Variants in EBF1 observed in about 807,000 individuals in gnomAD.
The protein encoded by EBF1 is EBF transcription factor 1.
Under a neutral mutation model 68.4 loss-of-function variants are expected in EBF1, and 10 were observed. That is an observed-to-expected ratio of 0.15 (90% CI 0.09 to 0.25). The LOEUF (loss-of-function observed/expected upper bound fraction) is 0.25. EBF1 is among the 10% of genes least tolerant of loss of function. The probability of loss-of-function intolerance (pLI) is 1.00; values close to 1 mark genes in which losing one functional copy is unlikely to be tolerated. For missense variants in EBF1, 509 were observed against 794.4 expected, an observed-to-expected ratio of 0.64 and a Z score of 4.32; for synonymous variants, 298 against 299.8, an observed-to-expected ratio of 0.99 and a Z score of 0.06.
chr5:158,966,531 G>T (rs888238484), intron 6 of EBF1, among the ~76,000 whole-genome samples: 1 of 152,162 alleles, frequency 6.6e-6, no homozygotes, highest in Admixed American at 6.5e-5. Context: ...CTCACAGAGA[G>T]AAATATCAAT....
chr5:158,963,277 G>A (rs1377879660), intron 6 of EBF1, among the ~76,000 whole-genome samples: 1 of 152,072 alleles, frequency 6.6e-6, no homozygotes, highest in Non-Finnish European at 1.5e-5. Flanking sequence ...AATGTTCAGA[G>A]GTTTACCACA....
intron 6 of EBF1, among the ~76,000 whole-genome samples, chr5:158,970,681 A>C (rs895670333): frequency 9.2e-5 from 14 of 152,234 alleles, no homozygotes; most frequent in Non-Finnish European, 7.3e-5. Flanking sequence ...AAAGCAGTTA[A>C]GACTAATTTC....
chr5:158,855,344 G>A (rs1793766166), intron 6 of EBF1, among the ~76,000 whole-genome samples: 1 of 152,146 alleles, frequency 6.6e-6, no homozygotes, highest in Non-Finnish European at 1.5e-5. Context: ...TATATGACAG[G>A]GAGTGGATAA....
rs11295464 is a variant in EBF1 at position 158,783,025 on chromosome 5, G to GA, written c.910-5487dup. On this transcript the variant is annotated intron_variant, in intron 9 of 15. Transcript: ENST00000313708. Reference sequence around the variant, plus strand: ...CCAGTGAGAAATGATAAGATGAAATGAAAAAAAAAAGGTTTAAAAATTAAT... The same window carrying GA: ...CCAGTGAGAAATGATAAGATGAAATGAAAAAAAAAAAGGTTTAAAAATTAAT... Among the ~76,000 whole-genome samples, 1,109 of 146,338 alleles carry GA rather than the reference G, an allele frequency of 7.6e-3. 4 individuals carry two copies. The highest frequency in any genetic ancestry group is 8.9e-3 in the Non-Finnish European group (590 of 65,926).
At chr5:158,878,835 A>T (rs1582827325) in intron 6 of EBF1, among the ~76,000 whole-genome samples, 1 of 151,712 alleles carries the variant, frequency 6.6e-6, no homozygotes, top group African/African-American at 2.4e-5. Context: ...GTAGAGATGG[A>T]GTTTCACCAT....
intron 6 of EBF1, among the ~76,000 whole-genome samples, chr5:159,008,152 G>A (rs571877515): frequency 2.1e-4 from 32 of 151,942 alleles, no homozygotes; most frequent in South Asian, 2.1e-3. Context: ...TGAAACAAGT[G>A]GTACCAAAAA....
intron 5 of EBF1, among the ~76,000 whole-genome samples, chr5:159,079,293 C>T (rs559477369): frequency 1.3e-5 from 2 of 152,316 alleles, no homozygotes; most frequent in South Asian, 4.2e-4. Flanking sequence ...GCCATTCTTC[C>T]CTCCCTGGTT....
chr5:159,039,116 T>C (rs1302664237), intron 6 of EBF1, among the ~76,000 whole-genome samples: 1 of 152,186 alleles, frequency 6.6e-6, no homozygotes, highest in African/African-American at 2.4e-5. Flanking sequence ...AAAGAGTCTG[T>C]GGTATAAATG....
intron 6 of EBF1, among the ~76,000 whole-genome samples, chr5:158,989,386 T>C (rs1237572377): frequency 6.6e-6 from 1 of 152,216 alleles, no homozygotes; most frequent in Non-Finnish European, 1.5e-5. Context: ...GGACAATTTC[T>C]TGTCAGACTG....
chr5:159,081,510 G>A (rs546277090), intron 5 of EBF1, among the ~76,000 whole-genome samples: 1 of 152,322 alleles, frequency 6.6e-6, no homozygotes, highest in East Asian at 1.9e-4. Flanking sequence ...CTGTTTACAG[G>A]ACAACGTAAC....
At chr5:158,982,913 T>G (rs1191581292) in intron 6 of EBF1, 1 of 152,174 alleles carries the variant, frequency 6.6e-6, no homozygotes, top group Non-Finnish European at 1.5e-5. Context: ...TATGAATCCT[T>G]CTGGTCTGCT....
chr5:159,079,747 G>T (rs1779426733), intron 5 of EBF1, among the ~76,000 whole-genome samples: 1 of 151,654 alleles, frequency 6.6e-6, no homozygotes, highest in South Asian at 2.1e-4. Flanking sequence ...GAGTAGCTTG[G>T]ACCACAGGTT....
In EBF1 at chr5:159,073,263, G is replaced by A. The variant is rs186213166; in HGVS notation, c.554+133C>T. On this transcript the variant is annotated intron_variant, in intron 6 of 15. Coordinates refer to ENST00000313708, the MANE Select transcript of EBF1 (RefSeq NM_024007.5). The stretch of plus-strand genomic sequence containing the variant: ...CTTTCCCAGGAATCAAAATCGCTCA[G>A]CACAGCGTAAGTCATGACCAACAGG... The A allele has an allele frequency of 2.5e-4, 220 of 864,612 alleles. 1 individual carries two copies. The African/African-American group carries it at 2.9e-3, about 11-fold the overall frequency. 53.6% of individuals were successfully genotyped at this position (864,612 alleles called of 1,614,324 possible).
chr5:159,078,756 G>A (rs1009846470), intron 5 of EBF1, among the ~76,000 whole-genome samples: 14 of 152,216 alleles, frequency 9.2e-5, no homozygotes, highest in Non-Finnish European at 1.0e-4. Flanking sequence ...ACTACGGACC[G>A]AAATCAGCAG....
At chr5:159,073,732 C>T (rs1778247169) in intron 5 of EBF1, 2 of 466,092 alleles carry the variant, frequency 4.3e-6, no homozygotes, top group Admixed American at 3.5e-5. Flanking sequence ...GGGGTCTCCC[C>T]ATGACTGCCC....
intron 6 of EBF1, among the ~76,000 whole-genome samples, chr5:159,051,972 G>A (rs1011870731): frequency 4.6e-5 from 7 of 151,572 alleles, no homozygotes; most frequent in Non-Finnish European, 8.8e-5. Context: ...ACAAATCTGC[G>A]TGGTGCACAC....
chr5:159,008,312 A>G (rs1008266540), intron 6 of EBF1, among the ~76,000 whole-genome samples: 1 of 152,240 alleles, frequency 6.6e-6, no homozygotes, highest in Non-Finnish European at 1.5e-5. Context: ...ATTTATAACC[A>G]TGAAAAACTG....
At chr5:159,058,779 G>GT (rs1313860604) in intron 6 of EBF1, among the ~76,000 whole-genome samples, 7 of 152,100 alleles carry the variant, frequency 4.6e-5, no homozygotes, top group Non-Finnish European at 8.8e-5. Flanking sequence ...TAATTTTCAC[G>GT]TATCTTAGTG....
At chr5:158,974,946 T>C (rs1044939348) in intron 6 of EBF1, among the ~76,000 whole-genome samples, 22 of 152,190 alleles carry the variant, frequency 1.4e-4, no homozygotes, top group Non-Finnish European at 3.1e-4. Context: ...CACCAGTCCA[T>C]TATACTAACT....
Sources: gnomAD v4.1 joint callset for allele counts (sites outside exome capture counted in the v4.1 genomes callset) on GRCh38, gnomAD v4.1.1 for gene constraint, MANE v1.5 for transcripts, NCBI Gene and HGNC (gene_info 2026-07-23, HGNC 2026-07-21) for gene names.